ZNF254: variants seen among roughly 807,000 people sequenced by gnomAD.
The protein encoded by ZNF254 is CTD-2017D11.1.
Under a neutral mutation model 12.4 loss-of-function variants are expected in ZNF254, and 10 were observed. The ratio of observed to expected loss-of-function variants is 0.80; its 90% CI spans 0.50 to 1.36. ZNF254 has a LOEUF of 1.36. Ranked by LOEUF, ZNF254 falls within the 40% of genes most tolerant of loss-of-function variation. The pLI, the probability that ZNF254 is intolerant of heterozygous loss-of-function variation, is 0.00. For synonymous variants in ZNF254, 305 were observed against 253.4 expected (o/e 1.20, Z -1.93); for missense variants, 996 against 763.9 (o/e 1.30, Z -3.58).
rs530208219 is a variant in ZNF254, at chr19:24,112,699, T to C, written c.253+6056T>C. The stretch of plus-strand genomic sequence containing the variant: ...TAAGTTGGATTCCTAGGTATTTTAT[T>C]CTCTTTGAAGCAATTATGAATGGGA... On this transcript the variant is annotated intron_variant, in intron 3 of 3. Transcript: ENST00000357002. Among the ~76,000 whole-genome samples, 3 of 152,234 alleles carry C rather than the reference T, an allele frequency of 2.0e-5. No homozygotes were observed. The East Asian group carries it at 5.8e-4, about 29-fold the overall frequency.
intron 2 of ZNF254, among the ~76,000 whole-genome samples, chr19:24,062,454 C>T (rs1971113071): frequency 6.6e-6 from 1 of 152,094 alleles, no homozygotes; most frequent in African/African-American, 2.4e-5. Context: ...CTCTCTGGAC[C>T]CAGCTAATTG....
chr19:24,093,539 C>T (rs1036439266), intron 1 of ZNF254, among the ~76,000 whole-genome samples: 2 of 152,144 alleles, frequency 1.3e-5, no homozygotes, highest in Non-Finnish European at 2.9e-5. Context: ...CCATTTATTA[C>T]ATAGGGAATT....
chr19:24,121,602 G>A (rs371595349), intron 3 of ZNF254, among the ~76,000 whole-genome samples: 10 of 152,088 alleles, frequency 6.6e-5, no homozygotes, highest in Admixed American at 2.6e-4. Context: ...TTCTTGACCA[G>A]GCTGGAGTGC....
At chr19:24,092,418 C>T (rs1417906452) in intron 1 of ZNF254, among the ~76,000 whole-genome samples, 1 of 151,682 alleles carries the variant, frequency 6.6e-6, no homozygotes, top group African/African-American at 2.4e-5. Flanking sequence ...GATCCACCCT[C>T]CCCCCCGGCC....
At chr19:24,065,971 T>G (rs1971255620) in intron 2 of ZNF254, 1 of 152,136 alleles carries the variant, frequency 6.6e-6, no homozygotes, top group Non-Finnish European at 1.5e-5. Flanking sequence ...CACAGAGAAA[T>G]TGTGACACAT....
chr19:24,063,598 T>A (rs1268096852), intron 2 of ZNF254, among the ~76,000 whole-genome samples: 4 of 152,200 alleles, frequency 2.6e-5, no homozygotes, highest in African/African-American at 9.6e-5. Flanking sequence ...GAGGGGATTG[T>A]AATATATGTC....
chr19:24,050,611 A>T (rs890195543), intron 2 of ZNF254, among the ~76,000 whole-genome samples: 5 of 152,210 alleles, frequency 3.3e-5, no homozygotes, highest in Non-Finnish European at 7.3e-5. Flanking sequence ...AGGTGATATG[A>T]TTCTTCTGCT....
chr19:24,061,450 T>C lies in ZNF254; in HGVS notation c.-94+15171T>C, dbSNP rs527443523. On this transcript the variant is annotated intron_variant, in intron 2 of 4. Transcript: ENST00000613065. ...TAAAAGATGTGATGCCTTTTCTACC[T>C]GCACCCTCCCCACAGGAAAGGTTGT... 2.6e-4 allele frequency among the ~76,000 whole-genome samples: 40 copies of C among 152,164 alleles called. No homozygotes were observed. In the South Asian group the frequency reaches 8.1e-3, roughly 31 times the overall value.
intron 2 of ZNF254, among the ~76,000 whole-genome samples, chr19:24,071,071 G>A (rs2145491562): frequency 6.6e-6 from 1 of 152,236 alleles, no homozygotes; most frequent in South Asian, 2.1e-4. Context: ...TAATAGGCAA[G>A]AAGGAAGGGA....
At chr19:24,049,214 A>ATATATTTTT (rs1160333151) in intron 2 of ZNF254, among the ~76,000 whole-genome samples, 16 of 40,860 alleles carry the variant, frequency 3.9e-4, no homozygotes, top group African/African-American at 1.8e-3. Flanking sequence ...ATATATATAT[A>ATATATTTTT]TTTTTTTTTT....
intron 3 of ZNF254, among the ~76,000 whole-genome samples, chr19:24,120,888 G>T (rs1276119800): frequency 6.6e-6 from 1 of 151,926 alleles, no homozygotes; most frequent in Non-Finnish European, 1.5e-5. Context: ...AACCAGGATG[G>T]TCTCAATCTC....
chr19:24,100,837 T>C (rs1972980316), intron 1 of ZNF254, among the ~76,000 whole-genome samples: 1 of 151,636 alleles, frequency 6.6e-6, no homozygotes, highest in Admixed American at 6.6e-5. Flanking sequence ...CTTTTTTTTT[T>C]TTTTTTTTAG....
At chr19:24,076,860 C>T (rs1971678163) in intron 2 of ZNF254, among the ~76,000 whole-genome samples, 1 of 152,032 alleles carries the variant, frequency 6.6e-6, no homozygotes. Context: ...ATTACTAATC[C>T]AATAGAAAAG....
chr19:24,044,055 A>G (rs549850345), intron 1 of ZNF254, among the ~76,000 whole-genome samples: 54 of 151,974 alleles, frequency 3.6e-4, no homozygotes, highest in Admixed American at 1.4e-3. Context: ...CCTGGCCAAC[A>G]TGGTGAAACC....
chr19:24,127,926 C>G lies in ZNF254; in HGVS notation c.1926C>G (p.Ser642=), dbSNP rs1975016190. Residue 642 remains serine (S), a synonymous_variant, in exon 4 of 4, where the codon TCC becomes TCG. Coordinates refer to ENST00000357002, the MANE Select transcript of ZNF254 (RefSeq NM_203282.4). ...WEKFGKAFNR[S]SHLTTDKITH... is the part of the protein sequence containing the mutation. ...AATTTGGCAAAGCCTTTAATCGGTC[C>G]TCGCACCTCACCACAGATAAGATAA... The G allele has an allele frequency of 8.7e-6, 14 of 1,604,932 alleles. No homozygotes were observed. The highest frequency in any genetic ancestry group is 1.3e-5 in the African/African-American group (1 of 74,574).
At chr19:24,116,961 C>G (rs958081626) in intron 3 of ZNF254, among the ~76,000 whole-genome samples, 21 of 152,134 alleles carry the variant, frequency 1.4e-4, no homozygotes, top group Admixed American at 4.6e-4. Context: ...GATGTCCACT[C>G]CAGACCCTAT....
chr19:24,118,101 G>T (rs1255061256), intron 3 of ZNF254, among the ~76,000 whole-genome samples: 2 of 147,174 alleles, frequency 1.4e-5, no homozygotes, highest in Admixed American at 6.9e-5. Flanking sequence ...CACCCAGGCT[G>T]GAGCTCAGTG....
intron 2 of ZNF254, among the ~76,000 whole-genome samples, chr19:24,048,188 A>G (rs1599588002): frequency 6.6e-6 from 1 of 151,886 alleles, no homozygotes; most frequent in East Asian, 1.9e-4. Context: ...AGCTGTGGCC[A>G]GTACTTGTGG....
intron 1 of ZNF254, among the ~76,000 whole-genome samples, chr19:24,037,828 C>T (rs1298287358): frequency 3.9e-5 from 6 of 152,136 alleles, no homozygotes; most frequent in African/African-American, 1.4e-4. Context: ...AGGCTGGTCT[C>T]GAGCTCCCGA....
Sources: gnomAD v4.1 joint callset for allele counts (sites outside exome capture counted in the v4.1 genomes callset) on GRCh38, gnomAD v4.1.1 for gene constraint, MANE v1.5 for transcripts, NCBI Gene and HGNC (gene_info 2026-07-23, HGNC 2026-07-21) for gene names.